Variants in CDH12 observed in about 807,000 individuals in gnomAD.
CDH12 encodes the protein cadherin 12.
In CDH12, 41 loss-of-function variants were observed where a neutral mutation model predicts 74.1. The ratio of observed to expected loss-of-function variants is 0.55; its 90% CI spans 0.43 to 0.72. CDH12 has a LOEUF of 0.72. Among genes scored for constraint, CDH12 ranks in the 30% least tolerant of loss-of-function variants. The pLI, the probability that CDH12 is intolerant of heterozygous loss-of-function variation, is 0.00. For missense variants in CDH12, 945 were observed against 977.2 expected (o/e 0.97, Z 0.44); for synonymous variants, 399 against 355.0 (o/e 1.12, Z -1.39).
chr5:21,751,656 G>C lies in CDH12; in HGVS notation c.*81C>G, dbSNP rs1744072883. 10 of 1,116,560 alleles carry C rather than the reference G, an allele frequency of 9.0e-6. No individual in the cohort carries two copies. The highest frequency in any genetic ancestry group is 1.6e-5 in the African/African-American group (1 of 63,458). 69.2% of individuals were successfully genotyped at this position (1,116,560 alleles called of 1,614,324 possible). A position where few individuals can be genotyped will look rare whatever the true frequency, so the allele number is the denominator to read the frequency against. On this transcript the variant is annotated 3_prime_UTR_variant, in exon 15 of 15. Coordinates refer to ENST00000382254, the MANE Select transcript of CDH12 (RefSeq NM_004061.5). ...TTTGTGTGTGTGTGTGTGTGTGAGA[G>C]AGATTTCTATTAATATTTGTGTTTC...
chr5:22,775,454 T>G (rs989620578), intron 1 of CDH12, among the ~76,000 whole-genome samples: 1 of 152,176 alleles, frequency 6.6e-6, no homozygotes, highest in Non-Finnish European at 1.5e-5. Context: ...AAACTAAAAT[T>G]TATCTTTTAA....
At chr5:22,424,002 C>CAAAAAAAAAAAAAA (rs1165781089) in intron 2 of CDH12, among the ~76,000 whole-genome samples, 7 of 31,220 alleles carry the variant, frequency 2.2e-4, no homozygotes, top group African/African-American at 3.0e-4. Flanking sequence ...GACTCTGTCT[C>CAAAAAAAAAAAAAA]AAAAAAAAAA....
At chr5:21,792,284 A>C (rs1193429624) in intron 10 of CDH12, among the ~76,000 whole-genome samples, 1 of 151,848 alleles carries the variant, frequency 6.6e-6, no homozygotes, top group South Asian at 2.1e-4. Context: ...ACCAGTTCCT[A>C]CTTTCCTATC....
At chr5:22,284,849 A>T (rs1022431167) in intron 3 of CDH12, among the ~76,000 whole-genome samples, 3 of 152,148 alleles carry the variant, frequency 2.0e-5, no homozygotes, top group East Asian at 3.9e-4. Context: ...AGGGATTTTT[A>T]AAAAATGAAA....
rs1293558071 is a variant in CDH12 at position 22,811,982 on chromosome 5, C to T, written c.-523+41076G>A. Reference sequence around the variant, plus strand: ...AAATAACATGGCAGAGAAAAGTGGACACTGGCTCTTTAGGGGCAAATAAAA... The same window carrying T: ...AAATAACATGGCAGAGAAAAGTGGATACTGGCTCTTTAGGGGCAAATAAAA... On this transcript the variant is annotated intron_variant, in intron 1 of 14. Coordinates refer to ENST00000382254, the MANE Select transcript of CDH12 (RefSeq NM_004061.5). Among the ~76,000 whole-genome samples the T allele has an allele frequency of 4.6e-5, 7 of 152,096 alleles. No homozygotes were observed. The East Asian group carries it at 1.4e-3, about 29-fold the overall frequency.
chr5:21,754,583 C>T (rs371371648), intron 14 of CDH12, among the ~76,000 whole-genome samples: 1 of 152,272 alleles, frequency 6.6e-6, no homozygotes, highest in Admixed American at 6.5e-5. Flanking sequence ...CCTTCTACGT[C>T]AGCATGAACT....
At chr5:22,249,199 A>G (rs1014982224) in intron 3 of CDH12, among the ~76,000 whole-genome samples, 1 of 152,218 alleles carries the variant, frequency 6.6e-6, no homozygotes, top group Non-Finnish European at 1.5e-5. Context: ...TTAAATTCAT[A>G]GAACAGCTGT....
intron 6 of CDH12, among the ~76,000 whole-genome samples, chr5:21,876,768 T>C (rs1055471264): frequency 1.3e-5 from 2 of 152,264 alleles, no homozygotes; most frequent in Non-Finnish European, 2.9e-5. Context: ...TCTTCACAAA[T>C]GTGCCTCTCT....
At chr5:22,004,230 C>T (rs1469978958) in intron 5 of CDH12, among the ~76,000 whole-genome samples, 2 of 152,152 alleles carry the variant, frequency 1.3e-5, no homozygotes, top group Non-Finnish European at 2.9e-5. Flanking sequence ...TTTCATAAGA[C>T]GCTTGTAAAC....
chr5:22,017,931 G>C (rs1737706086), intron 5 of CDH12, among the ~76,000 whole-genome samples: 1 of 151,876 alleles, frequency 6.6e-6, no homozygotes, highest in Non-Finnish European at 1.5e-5. Flanking sequence ...GGCTAATTTT[G>C]TACTTTTAGT....
intron 3 of CDH12, among the ~76,000 whole-genome samples, chr5:22,330,339 T>A (rs1739295498): frequency 6.6e-6 from 1 of 152,060 alleles, no homozygotes. Flanking sequence ...GGGCCCTGAA[T>A]AACCAGCAGC....
chr5:22,341,946 C>T (rs1166078353), intron 3 of CDH12, among the ~76,000 whole-genome samples: 1 of 151,886 alleles, frequency 6.6e-6, no homozygotes, highest in African/African-American at 2.4e-5. Context: ...AAAAACATAA[C>T]TGGCAGCGTA....
chr5:22,183,017 C>T (rs1210504051), intron 4 of CDH12, among the ~76,000 whole-genome samples: 1 of 150,450 alleles, frequency 6.6e-6, no homozygotes. Flanking sequence ...GAGAAGTGGA[C>T]TGATGAAACA....
intron 3 of CDH12, among the ~76,000 whole-genome samples, chr5:22,349,452 T>G (rs987703858): frequency 6.6e-6 from 1 of 152,238 alleles, no homozygotes; most frequent in Admixed American, 6.5e-5. Context: ...TTTACAGCAC[T>G]CATTCCTTTG....
At chr5:22,772,000 AT>A (rs550558941) in intron 1 of CDH12, among the ~76,000 whole-genome samples, 16 of 152,216 alleles carry the variant, frequency 1.1e-4, no homozygotes, top group Admixed American at 8.5e-4. Context: ...GACATAATTA[AT>A]TAATCCTAGG....
In CDH12 at chr5:21,957,529, C is replaced by T. The variant is rs150347578; in HGVS notation, c.526+17562G>A. Reference sequence around the variant, plus strand: ...ATAGTTGAACTAACTTACACTCCCACTAACAGTGTGTAAGTGTTTCCTTTT... The same window carrying T: ...ATAGTTGAACTAACTTACACTCCCATTAACAGTGTGTAAGTGTTTCCTTTT... On this transcript the variant is annotated intron_variant, in intron 6 of 14. Transcript: ENST00000382254. 6.3e-3 allele frequency among the ~76,000 whole-genome samples: 957 copies of T among 152,324 alleles called. 7 individuals are homozygous for T. The highest frequency in any genetic ancestry group is 0.022 in the African/African-American group (918 of 41,568).
At chr5:21,816,365 G>A (rs951265789) in intron 9 of CDH12, among the ~76,000 whole-genome samples, 7 of 151,750 alleles carry the variant, frequency 4.6e-5, no homozygotes, top group Admixed American at 2.0e-4. Flanking sequence ...GGTGGCTTAC[G>A]CCTATAACCC....
intron 6 of CDH12, chr5:21,883,864 T>C: frequency 1.2e-6 from 2 of 1,608,026 alleles, no homozygotes; most frequent in Admixed American, 1.7e-5. Flanking sequence ...ACAGATGCCC[T>C]TAATGCTACA....
chr5:22,724,579 C>T (rs1440198891), intron 1 of CDH12, among the ~76,000 whole-genome samples: 10 of 151,900 alleles, frequency 6.6e-5, no homozygotes, highest in Admixed American at 2.0e-4. Flanking sequence ...ATTTTTATGG[C>T]TGAGTAGTAT....
Sources: allele counts gnomAD v4.1 joint callset (sites outside exome capture counted in the v4.1 genomes callset), GRCh38; gene constraint gnomAD v4.1.1; transcripts MANE v1.5; gene names NCBI Gene and HGNC (gene_info 2026-07-23, HGNC 2026-07-21).